DOC2A: variants seen among roughly 807,000 people sequenced by gnomAD.
The protein encoded by DOC2A is double C2-like domain-containing protein alpha.
Under a neutral mutation model 40.6 loss-of-function variants are expected in DOC2A, and 28 were observed. The observed-to-expected ratio is 0.69, with a 90% CI of 0.51 to 0.95. DOC2A has a LOEUF of 0.95. Ranked by LOEUF, DOC2A falls within the 40% of genes least tolerant of loss-of-function variation. The pLI is 0.00. For missense variants in DOC2A, 474 were observed against 552.5 expected (o/e 0.86, Z 1.42); for synonymous variants, 241 against 236.9 (o/e 1.02, Z -0.16).
In DOC2A at chr16:30,009,478, C is replaced by T. The variant is rs2070714755; in HGVS notation, c.342G>A (p.Lys114=). ...CTLHCSILRA[K]GLKPMDFNGL... Reference sequence around the variant, plus strand: ...GGCTTGGGTGGCAGGGAGTGCCCACCTTGGCCCTGAGGATGCTACAGTGCA... The same window carrying T: ...GGCTTGGGTGGCAGGGAGTGCCCACTTTGGCCCTGAGGATGCTACAGTGCA... The change falls in exon 3 of 11, where the codon AAG becomes AAA. Residue 114 remains lysine, a splice_region_variant and synonymous_variant. Coordinates refer to ENST00000350119, the MANE Select transcript of DOC2A (RefSeq NM_003586.3). The surrounding 1 kb of genome is among the most constrained non-coding windows in gnomAD (Gnocchi z 4.1). 1 of 1,551,478 alleles carries T rather than the reference C, an allele frequency of 6.4e-7. No individual in the cohort carries two copies. Among genetic ancestry groups the T allele is most frequent in the Non-Finnish European group, 8.7e-7 (1 of 1,146,974 alleles).
upstream of DOC2A, among the ~76,000 whole-genome samples, chr16:30,014,496 G>A (rs934089250): frequency 6.6e-5 from 10 of 151,706 alleles, no homozygotes; most frequent in East Asian, 1.4e-3. Flanking sequence ...TTAGCTGGGC[G>A]TGGAGGCGGG....
Position 30,009,969 on chromosome 16 carries a change from T to G in DOC2A, c.254A>C (p.Asp85Ala). 1 of 1,611,028 alleles carries G rather than the reference T, an allele frequency of 6.2e-7. No homozygotes were observed. Among genetic ancestry groups the G allele is most frequent in the Non-Finnish European group, 8.5e-7 (1 of 1,179,694 alleles). ...CAAGCCCCCAGACTCACTGGCATCA[T>G]CCGAGTCATAGCTGTCCACCTCCGC... is the stretch of plus-strand genomic sequence containing the variant. ...DGAEVDSYDS[D>A]DATALGTLEF... Residue 85 changes from aspartate to alanine, a missense_variant, in exon 2 of 11, where the codon GAT becomes GCT. Physicochemically the swap from Asp to Ala is moderately radical, Grantham distance 126. Coordinates refer to ENST00000350119, the MANE Select transcript of DOC2A (RefSeq NM_003586.3). The surrounding 1 kb of genome is among the most constrained non-coding windows in gnomAD (Gnocchi z 4.1).
rs772945741 is a variant in DOC2A at position 30,006,938 on chromosome 16, G to A, written c.725C>T (p.Ala242Val). ...ISCYLKELEQ[A>V]EQGQGLLEER... The stretch of plus-strand genomic sequence containing the variant: ...CTCCAGCAGCCCCTGCCCCTGCTCC[G>A]CCTGCTCCAACTGCGGGGCACAGAC... The change falls in exon 8 of 11, where the codon GCG (alanine) becomes GTG (valine). Residue 242 changes from alanine (A) to valine (V), a missense_variant. By Grantham distance (64) the Ala-to-Val change is moderately conservative (BLOSUM62 0). Transcript: ENST00000350119. This position sits in a 1 kb window ranked among gnomAD's most constrained non-coding sequence, Gnocchi z 6.2. 1.3e-5 allele frequency: 21 copies of A among 1,610,288 alleles called. No individual in the cohort carries two copies. Among genetic ancestry groups the A allele is most frequent in the Middle Eastern group, 1.6e-4 (1 of 6,072 alleles).
At chr16:30,021,838 G>C (rs1233573928), upstream of DOC2A, 1 of 152,352 alleles carries the variant, frequency 6.6e-6, no homozygotes, top group Non-Finnish European at 1.5e-5. Context: ...CTGGATCTGC[G>C]GATAGGATGC....
chr16:30,017,000 T>C (rs536763207), upstream of DOC2A, among the ~76,000 whole-genome samples: 1 of 152,232 alleles, frequency 6.6e-6, no homozygotes, highest in Non-Finnish European at 1.5e-5. Context: ...CAGGTCAAGC[T>C]TGGGGGCAAG....
upstream of DOC2A, chr16:30,012,540 G>A (rs1307479084): frequency 6.6e-6 from 1 of 151,688 alleles, no homozygotes; most frequent in Non-Finnish European, 1.5e-5. Context: ...CGTATTTCAC[G>A]GCAATTTTTT....
chr16:30,013,936 T>G (rs1458450263), upstream of DOC2A, among the ~76,000 whole-genome samples: 1 of 152,020 alleles, frequency 6.6e-6, no homozygotes, highest in African/African-American at 2.4e-5. Flanking sequence ...CCGCTGGTCT[T>G]GAACTCCTGA....
At chr16:30,008,148 G>T (rs1259032788) in intron 5 of DOC2A, 2 of 152,866 alleles carry the variant, frequency 1.3e-5, no homozygotes, top group African/African-American at 4.8e-5. Flanking sequence ...CCAGAGCCTG[G>T]GTTTCGCTGC....
chr16:30,005,652 A>G lies in DOC2A; in HGVS notation c.*534T>C. 5 of 584,126 alleles carry G rather than the reference A, an allele frequency of 8.6e-6. No homozygotes were observed. The highest frequency in any genetic ancestry group is 1.5e-5 in the Non-Finnish European group (5 of 336,132). The allele number at this position is 584,126 out of a possible 1,614,324, so 36.2% of individuals were successfully genotyped here. ...CAAACCCCGGCCCCCTCCAGGGGAC[A>G]GTTATTTAAACGAGTGGCCGGGAGC... On this transcript the variant is annotated 3_prime_UTR_variant, in exon 11 of 11. Coordinates refer to ENST00000350119, the MANE Select transcript of DOC2A (RefSeq NM_003586.3).
At chr16:30,017,962 GAAA>G (rs113271952) in intron 1 of DOC2A, among the ~76,000 whole-genome samples, 1 of 92,658 alleles carries the variant, frequency 1.1e-5, no homozygotes. Flanking sequence ...TCTGTCTCCG[GAAA>G]AAAAAAAAAA....
At chr16:30,016,056 T>TATATATATATA (rs1491508395), upstream of DOC2A, among the ~76,000 whole-genome samples, 7 of 12,634 alleles carry the variant, frequency 5.5e-4, no homozygotes, top group African/African-American at 1.0e-3. Context: ...TATATATATA[T>TATATATATATA]TTTTTTTTTT....
upstream of DOC2A, among the ~76,000 whole-genome samples, chr16:30,016,045 ATATATATATATTTTTT>A (rs1159940233): frequency 6.7e-3 from 153 of 22,770 alleles, 1 homozygote; most frequent in African/African-American, 0.021. Flanking sequence ...ATATATATAT[ATATATATATATTTTTT>A]TTTTTTTTTT....
At chr16:30,011,785 C>T (rs1298703098), upstream of DOC2A, 1 of 152,374 alleles carries the variant, frequency 6.6e-6, no homozygotes, top group East Asian at 1.9e-4. Context: ...GGCCTCTCTC[C>T]TTGTGGCCCA....
At chr16:30,022,806 G>C (rs11150582), upstream of DOC2A, among the ~76,000 whole-genome samples, 15,955 of 152,112 alleles carry the variant, frequency 0.1, 1,101 homozygotes, top group Non-Finnish European at 0.15. Flanking sequence ...TGTGGTGGCA[G>C]ACAGATAAAA....
chr16:30,006,496 T>C lies in DOC2A; in HGVS notation c.974A>G (p.Glu325Gly). The change falls in exon 10 of 11, where the codon GAG becomes GGG. Residue 325 changes from glutamate to glycine, a missense_variant. Physicochemically the swap from Glu to Gly is moderately conservative, Grantham distance 98 (BLOSUM62 -2). Transcript: ENST00000350119. The surrounding 1 kb of genome is among the most constrained non-coding windows in gnomAD (Gnocchi z 6.2). ...NPEFNEEFFY[E>G]IELSTLATKT... Reference sequence around the variant, plus strand: ...GGTGGCCAGAGTGGAGAGCTCTATCTCGTAGAAAAACTCCTAGGGACAAGG... The same window carrying C: ...GGTGGCCAGAGTGGAGAGCTCTATCCCGTAGAAAAACTCCTAGGGACAAGG... 6.2e-7 allele frequency: 1 copy of C among 1,613,560 alleles called. No individual in the cohort carries two copies. Among genetic ancestry groups the C allele is most frequent in the Non-Finnish European group, 8.5e-7 (1 of 1,179,886 alleles).
chr16:30,011,354 A>G, upstream of DOC2A: 3 of 984,054 alleles, frequency 3.0e-6, no homozygotes, highest in South Asian at 1.4e-4. Flanking sequence ...ACACACACGC[A>G]CTCGCAAACA....
Position 30,007,260 on chromosome 16 carries a change from C to T in DOC2A, c.567G>A (p.Glu189=), listed in dbSNP as rs2070642238. The T allele has an allele frequency of 1.2e-6, 2 of 1,614,034 alleles. No individual in the cohort carries two copies. The highest frequency in any genetic ancestry group is 2.2e-5 in the East Asian group (1 of 44,876). ...VCDEDKLSHN[E]FIGEIRVPLR... ...GGGGCACGCGGATCTCCCCAATAAA[C>T]TCATTGTGACTCAGCTTGTCCTCAT... The change falls in exon 6 of 11, where the codon GAG becomes GAA. Residue 189 remains glutamate (E), a synonymous_variant. Transcript: ENST00000350119.
upstream of DOC2A, chr16:30,023,160 C>G: frequency 1.9e-6 from 1 of 518,786 alleles, no homozygotes; most frequent in Non-Finnish European, 3.5e-6. Flanking sequence ...ATGGTTTTAT[C>G]ATCAGCGACA....
At chr16:30,019,856 T>C (rs770697878) in intron 1 of DOC2A, among the ~76,000 whole-genome samples, 1 of 151,902 alleles carries the variant, frequency 6.6e-6, no homozygotes, top group Non-Finnish European at 1.5e-5. Context: ...TGCCTCAGAT[T>C]CCTGAGTAGC....
Sources: allele counts gnomAD v4.1 joint callset (sites outside exome capture counted in the v4.1 genomes callset), GRCh38; gene constraint gnomAD v4.1.1; non-coding constraint Gnocchi (gnomAD v3.1); transcripts MANE v1.5; gene names NCBI Gene and HGNC (gene_info 2026-07-23, HGNC 2026-07-21).